ZNF773: variants seen among roughly 807,000 people sequenced by gnomAD.
ZNF773 encodes zinc finger protein 419B.
ZNF773 carries 11 observed loss-of-function variants against 12.8 expected under a neutral mutation model. The observed-to-expected ratio is 0.86, with a 90% CI of 0.54 to 1.42. ZNF773 has a LOEUF of 1.42. Ranked by LOEUF, ZNF773 falls within the 40% of genes most tolerant of loss-of-function variation. The pLI, the probability that ZNF773 is intolerant of heterozygous loss-of-function variation, is 0.00. For missense variants in ZNF773, 518 were observed against 527.2 expected, an observed-to-expected ratio of 0.98 and a Z score of 0.17; for synonymous variants, 175 against 178.4, an observed-to-expected ratio of 0.98 and a Z score of 0.15.
chr19:57,504,850 G>A, intron 2 of ZNF773, 64 bp downstream of exon 2: 1 of 1,574,702 alleles, frequency 6.4e-7, no homozygotes, highest in Non-Finnish European at 8.7e-7. Flanking sequence ...CTTTTCCTAG[G>A]GAGAGGTCTG....
At chr19:57,506,336 A>G in intron 3 of ZNF773, 22 bp from the exon 4 acceptor site, 6 of 1,591,388 alleles carry the variant, frequency 3.8e-6, no homozygotes, top group Non-Finnish European at 5.1e-6. Flanking sequence ...CATTTACTTC[A>G]TCAACATTTC....
chr19:57,510,556 CTCTT>C (rs761539706), downstream of ZNF773, among the ~76,000 whole-genome samples: 12 of 152,184 alleles, frequency 7.9e-5, no homozygotes, highest in Admixed American at 1.3e-4. Context: ...AGAACCCAAA[CTCTT>C]TATTTACATA....
Position 57,504,661 on chromosome 19 carries a change from G to C in ZNF773, c.38G>C (p.Gly13Ala), listed in dbSNP as rs1192026725. The change falls in exon 2 of 4, where the codon GGC becomes GCC. Residue 13 changes from glycine to alanine, a missense_variant. By Grantham distance (60) the Gly-to-Ala change is moderately conservative. Transcript: ENST00000282292. ...AATLRDPAQQ[G>A]YVTFEDVAVY... ...ACTCAACTCTGTCCATCTTAGCAGG[G>C]CTATGTGACCTTTGAGGACGTGGCT... is the stretch of plus-strand genomic sequence containing the variant. The C allele has an allele frequency of 6.2e-7, 1 of 1,614,084 alleles. No individual in the cohort carries two copies. Among genetic ancestry groups the C allele is most frequent in the South Asian group, 1.1e-5 (1 of 91,084 alleles).
At position 57,505,587 on chromosome 19, in the gene ZNF773, C is replaced by G. The variant is rs117267182; in HGVS notation, c.262+187C>G. ...GTTGACCCAGGGCCATTCCCCACCT[C>G]TCTGTACTCCATGTTTCACCCCATC... On this transcript the variant is annotated intron_variant, in intron 3 of 3. Transcript: ENST00000282292. Among the ~76,000 whole-genome samples the G allele has an allele frequency of 6.9e-3, 1,046 of 152,246 alleles. 4 individuals are homozygous for G. The highest frequency in any genetic ancestry group is 0.011 in the Non-Finnish European group (731 of 68,020).
downstream of ZNF773, chr19:57,513,999 G>T (rs1397297042): frequency 6.6e-6 from 1 of 152,228 alleles, no homozygotes; most frequent in East Asian, 1.9e-4. Flanking sequence ...TCAATGGAAA[G>T]TTTTGCCCCA....
At chr19:57,508,371 T>C, downstream of ZNF773, 1 of 751,938 alleles carries the variant, frequency 1.3e-6, no homozygotes, top group Non-Finnish European at 2.0e-6. Flanking sequence ...GAGTTTGGAG[T>C]TGGGGGAGGA....
At chr19:57,506,118 C>G (rs1350351703) in intron 3 of ZNF773, among the ~76,000 whole-genome samples, 3 of 152,128 alleles carry the variant, frequency 2.0e-5, no homozygotes, top group Non-Finnish European at 4.4e-5. Flanking sequence ...GTTGGGGACT[C>G]TGCCTCTCCT....
Position 57,506,380 on chromosome 19 carries a change from T to C in ZNF773, c.285T>C (p.Ala95=), listed in dbSNP as rs367636585. 18 of 1,611,472 alleles carry C rather than the reference T, an allele frequency of 1.1e-5. No homozygotes were observed. The highest frequency in any genetic ancestry group is 1.7e-5 in the Admixed American group (1 of 59,346). The change falls in exon 4 of 4, where the codon GCT becomes GCC. Residue 95 remains alanine (A), a synonymous_variant. Transcript: ENST00000282292. ...CAGGTAGTTGGCAAGGAGCCAAGGC[T>C]GAGGCAGCTGCTGAGCAGAGTGCTT... ...ILRGSWQGAK[A]EAAAEQSASV...
downstream of ZNF773, among the ~76,000 whole-genome samples, chr19:57,512,083 G>A (rs1239526089): frequency 3.3e-5 from 5 of 152,142 alleles, no homozygotes; most frequent in African/African-American, 1.2e-4. Flanking sequence ...TGACTGTGTT[G>A]GTGGTTTCAT....
Position 57,500,114 on chromosome 19 carries a change from G to A in ZNF773, c.33+1G>A. The A allele has an allele frequency of 6.2e-7, 1 of 1,604,554 alleles. No individual in the cohort carries two copies. The highest frequency in any genetic ancestry group is 8.5e-7 in the Non-Finnish European group (1 of 1,177,080). ...GGCCACGCTGAGGGACCCCGCTCAGGTGAGCGCCGCGTCCTCCCGGCCTCC... is the reference window on the plus strand; with the variant it reads ...GGCCACGCTGAGGGACCCCGCTCAGATGAGCGCCGCGTCCTCCCGGCCTCC... On this transcript the variant is annotated splice_donor_variant, in intron 1 of 3. Transcript: ENST00000282292. LOFTEE classifies it high-confidence loss of function.
At chr19:57,512,985 T>C, downstream of ZNF773, 1 of 1,518,946 alleles carries the variant, frequency 6.6e-7, no homozygotes, top group Non-Finnish European at 8.8e-7. Flanking sequence ...AACAGATCTT[T>C]TTGTCTTCAT....
chr19:57,505,316 A>C lies in ZNF773; in HGVS notation c.178A>C (p.Lys60Gln). The change falls in exon 3 of 4, where the codon AAG becomes CAG. Residue 60 changes from lysine (K) to glutamine (Q), a missense_variant. Transcript: ENST00000282292. The stretch of plus-strand genomic sequence containing the variant: ...GTTTTCCTTAGGACTTGCATCTTCC[A>C]AGACCCATGAAATAACCCAGCTGGA... ...LLASLGLASS[K>Q]THEITQLESW... 6.2e-7 allele frequency: 1 copy of C among 1,614,120 alleles called. No individual in the cohort carries two copies. Among genetic ancestry groups the C allele is most frequent in the Admixed American group, 1.7e-5 (1 of 60,008 alleles).
At chr19:57,502,104 G>A (rs1357335794) in intron 1 of ZNF773, among the ~76,000 whole-genome samples, 1 of 152,030 alleles carries the variant, frequency 6.6e-6, no homozygotes, top group African/African-American at 2.4e-5. Flanking sequence ...CGTCACGCCC[G>A]GCTAATTTTG....
downstream of ZNF773, chr19:57,513,057 G>A (rs1220167773): frequency 2.6e-6 from 4 of 1,550,872 alleles, no homozygotes; most frequent in Admixed American, 3.9e-5. Context: ...GCCCGAACAG[G>A]GACGTGAGTG....
At chr19:57,508,648 T>C (rs2123274680), downstream of ZNF773, 1 of 654,158 alleles carries the variant, frequency 1.5e-6, no homozygotes, top group African/African-American at 1.8e-5. Context: ...CCTCCTGGAA[T>C]ATATTAGATT....
chr19:57,508,374 G>A (rs1247516566), downstream of ZNF773: 13 of 718,172 alleles, frequency 1.8e-5, no homozygotes, highest in Non-Finnish European at 2.6e-5. Flanking sequence ...TTTGGAGTTG[G>A]GGGAGGAAAG....
Position 57,506,704 on chromosome 19 carries a change from A to G in ZNF773, c.609A>G (p.Lys203=). 1 of 1,614,234 alleles carries G rather than the reference A, an allele frequency of 6.2e-7. No individual in the cohort carries two copies. The highest frequency in any genetic ancestry group is 8.5e-7 in the Non-Finnish European group (1 of 1,180,040). Reference sequence around the variant, plus strand: ...AATGTGGGAAAGCCTTTGGTCAGAAATATTTACTTGTTCAGCACCAGAGAC... The same window carrying G: ...AATGTGGGAAAGCCTTTGGTCAGAAGTATTTACTTGTTCAGCACCAGAGAC... ...CSECGKAFGQ[K]YLLVQHQRLH... The change falls in exon 4 of 4, where the codon AAA becomes AAG. Residue 203 remains lysine (K), a synonymous_variant. Coordinates refer to ENST00000282292, the MANE Select transcript of ZNF773 (RefSeq NM_198542.3).
intron 3 of ZNF773, among the ~76,000 whole-genome samples, chr19:57,505,994 G>T (rs2005684): frequency 6.6e-6 from 1 of 152,154 alleles, no homozygotes; most frequent in Non-Finnish European, 1.5e-5. Context: ...CAGGCATGAG[G>T]CACCGCGCCC....
chr19:57,504,054 T>A (rs56232175), intron 1 of ZNF773, among the ~76,000 whole-genome samples: 31,487 of 152,100 alleles, frequency 0.21, 3,381 homozygotes, highest in African/African-American at 0.25. Flanking sequence ...TGTCCAGATA[T>A]GCGTGCAGTT....
Sources: allele counts gnomAD v4.1 joint callset (sites outside exome capture counted in the v4.1 genomes callset), GRCh38; gene constraint gnomAD v4.1.1; transcripts MANE v1.5; gene names NCBI Gene and HGNC (gene_info 2026-07-23, HGNC 2026-07-21).